LRRC47: variants seen among roughly 807,000 people sequenced by gnomAD.
The protein encoded by LRRC47 is leucine-rich repeat-containing protein 47.
In LRRC47, 31 loss-of-function variants were observed where a neutral mutation model predicts 40.9. That is an observed-to-expected ratio of 0.76 (90% CI 0.57 to 1.02). The LOEUF is 1.02. Among genes scored for constraint, LRRC47 ranks in the 50% least tolerant of loss-of-function variants. The probability of loss-of-function intolerance (pLI) is 0.00; values close to 1 mark genes in which losing one functional copy is unlikely to be tolerated. For synonymous variants in LRRC47, 427 were observed against 371.9 expected (o/e 1.15, Z -1.70); for missense variants, 726 against 796.1 (o/e 0.91, Z 1.06).
Position 3,786,975 on chromosome 1 carries a change from G to A in LRRC47, c.951C>T (p.Asn317=), listed in dbSNP as rs757299020. ...LLLRVLHVSE[N]PVPLTVRVSP... is the part of the protein sequence containing the mutation. The stretch of plus-strand genomic sequence containing the variant: ...TCACTCTGACTGTCAGAGGTACGGG[G>A]TTTTCAGAGACGTGCAGGACCCTGA... The change falls in exon 2 of 7, where the codon AAC becomes AAT. Residue 317 remains asparagine (N), a synonymous_variant. Transcript: ENST00000378251. 5 of 1,611,368 alleles carry A rather than the reference G, an allele frequency of 3.1e-6. No homozygotes were observed. The highest frequency in any genetic ancestry group is 2.7e-5 in the African/African-American group (2 of 74,886).
At chr1:3,790,600 G>A (rs945621909) in intron 1 of LRRC47, among the ~76,000 whole-genome samples, 1 of 152,232 alleles carries the variant, frequency 6.6e-6, no homozygotes, top group Non-Finnish European at 1.5e-5. Context: ...GAAGCAGCCA[G>A]GGAGGGCCGG....
chr1:3,793,626 A>T (rs1319567066), intron 1 of LRRC47, among the ~76,000 whole-genome samples: 1 of 152,186 alleles, frequency 6.6e-6, no homozygotes, highest in African/African-American at 2.4e-5. Flanking sequence ...TGACTCCTGC[A>T]GATAACAGCA....
At chr1:3,786,123 GC>G (rs539992586) in intron 2 of LRRC47, among the ~76,000 whole-genome samples, 16 of 152,074 alleles carry the variant, frequency 1.1e-4, no homozygotes, top group African/African-American at 3.6e-4. Context: ...ACCCACCTCG[GC>G]CTCCTGAAGT....
intron 1 of LRRC47, among the ~76,000 whole-genome samples, chr1:3,792,262 A>G (rs1337917119): frequency 6.6e-6 from 1 of 152,148 alleles, no homozygotes; most frequent in East Asian, 1.9e-4. Context: ...CTCTTGCATG[A>G]CCCTCCAAGA....
chr1:3,781,664 C>A (rs1252405712), intron 5 of LRRC47, 63 bp from the exon 6 acceptor site: 1 of 1,306,304 alleles, frequency 7.7e-7, no homozygotes, highest in African/African-American at 1.5e-5. Context: ...GCAACTGCAA[C>A]ATTTGTTCTC....
chr1:3,790,085 C>T (rs1443927581), intron 1 of LRRC47, among the ~76,000 whole-genome samples: 1 of 152,252 alleles, frequency 6.6e-6, no homozygotes, highest in African/African-American at 2.4e-5. Context: ...AAACACAACC[C>T]TCGCAGTGGC....
intron 5 of LRRC47, 134 bp downstream of exon 5, chr1:3,782,527 C>T: frequency 1.5e-6 from 1 of 654,546 alleles, no homozygotes; most frequent in Non-Finnish European, 2.8e-6. Context: ...CTCCTGACCT[C>T]AGGTGATCCG....
rs188951704 is a variant in LRRC47, at chr1:3,795,341, C to G, written c.615+521G>C. ...GGAGAAAAACCCAAGTTACCTGCTG[C>G]TTACTTTGGGCAGGCCCTTTGGCTT... On this transcript the variant is annotated intron_variant, in intron 1 of 6. Transcript: ENST00000378251. 3.3e-3 allele frequency among the ~76,000 whole-genome samples: 496 copies of G among 152,336 alleles called. 18 individuals are homozygous for G. Among genetic ancestry groups the G allele is most frequent in the Admixed American group, 0.031 (471 of 15,304 alleles).
intron 1 of LRRC47, among the ~76,000 whole-genome samples, chr1:3,793,083 C>T (rs1448621405): frequency 6.6e-6 from 1 of 151,996 alleles, no homozygotes; most frequent in Non-Finnish European, 1.5e-5. Flanking sequence ...GAGATCTGAT[C>T]TAACCAATCC....
chr1:3,781,058 C>T lies in LRRC47; in HGVS notation c.*30G>A, dbSNP rs1557639712. On this transcript the variant is annotated 3_prime_UTR_variant, in exon 7 of 7. Coordinates refer to ENST00000378251, the MANE Select transcript of LRRC47 (RefSeq NM_020710.3). ...CGCATAGAAACCTCCGCAAAACCGG[C>T]CAAACAAACGCGGACAGGCGGCCCT... 6.3e-7 allele frequency: 1 copy of T among 1,598,484 alleles called. No individual in the cohort carries two copies. Among genetic ancestry groups the T allele is most frequent in the East Asian group, 2.2e-5 (1 of 44,490 alleles).
rs945042970 is a variant in LRRC47 at position 3,794,998 on chromosome 1, G to A, written c.615+864C>T. ...GAACCCGGGAGGCGGAGGTTGAAGT[G>A]AGCCGAGATCGCGCCACTGCACTCC... On this transcript the variant is annotated intron_variant, in intron 1 of 6. Coordinates refer to ENST00000378251, the MANE Select transcript of LRRC47 (RefSeq NM_020710.3). Among the ~76,000 whole-genome samples the A allele has an allele frequency of 4.1e-5, 6 of 145,974 alleles. No individual in the cohort carries two copies. The South Asian group carries it at 1.3e-3, about 31-fold the overall frequency.
At chr1:3,791,333 C>G (rs1643624689) in intron 1 of LRRC47, among the ~76,000 whole-genome samples, 1 of 152,258 alleles carries the variant, frequency 6.6e-6, no homozygotes, top group Non-Finnish European at 1.5e-5. Flanking sequence ...TCTTCGTGTA[C>G]TGCGTTACCC....
At chr1:3,782,881 G>A in intron 4 of LRRC47, 118 bp from the exon 5 acceptor site, 2 of 699,872 alleles carry the variant, frequency 2.9e-6, no homozygotes, top group Non-Finnish European at 5.2e-6. Context: ...GGCTGCATGG[G>A]CCCAGGAGTT....
chr1:3,796,046 A>G lies in LRRC47; in HGVS notation c.431T>C (p.Leu144Pro). The G allele has an allele frequency of 6.5e-7, 1 of 1,541,756 alleles. No individual in the cohort carries two copies. The highest frequency in any genetic ancestry group is 8.7e-7 in the Non-Finnish European group (1 of 1,146,490). Residue 144 changes from leucine to proline, a missense_variant, in exon 1 of 7, where the codon CTG becomes CCG. Transcript: ENST00000378251. ...LNLSGNRLRE[L>P]PADLARCAPR... is the part of the protein sequence containing the mutation. ...GGCGCAGCGCGCCAGGTCGGCTGGC[A>G]GCTCGCGCAGCCGGTTGCCGCTGAG...
Position 3,778,815 on chromosome 1 carries a change from TGGGCC to T in LRRC47, c.*2268_*2272del, listed in dbSNP as rs1158334597. 1.3e-5 allele frequency: 2 copies of T among 152,218 alleles called. No homozygotes were observed. Among genetic ancestry groups the T allele is most frequent in the Non-Finnish European group, 2.9e-5 (2 of 68,052 alleles). The allele number at this position is 152,218 out of a possible 1,614,324, so 9.4% of individuals were successfully genotyped here. ...CTTCCTCCCTTCCTCCTTCCCGGGC[TGGGCC>T]GGGCCATGCAGAGAAAGGGCAGCCT... On this transcript the variant is annotated 3_prime_UTR_variant, in exon 7 of 7. Transcript: ENST00000378251.
chr1:3,782,804 AG>A (rs1400493699), intron 4 of LRRC47, 41 bp from the exon 5 acceptor site: 1 of 1,216,346 alleles, frequency 8.2e-7, no homozygotes, highest in Admixed American at 1.7e-5. Flanking sequence ...TAATTATAAA[AG>A]AAACACTGTG....
chr1:3,796,462 C>G lies in LRRC47; in HGVS notation c.15G>C (p.Ala5=), dbSNP rs1461820430. 1.3e-6 allele frequency: 2 copies of G among 1,509,866 alleles called. No individual in the cohort carries two copies. The highest frequency in any genetic ancestry group is 2.3e-4 in the Middle Eastern group (1 of 4,276). 93.5% of individuals were successfully genotyped at this position (1,509,866 alleles called of 1,614,324 possible). A position where few individuals can be genotyped will look rare whatever the true frequency, so the allele number is the denominator to read the frequency against. The change falls in exon 1 of 7, where the codon GCG becomes GCC. Residue 5 remains alanine, a synonymous_variant. Transcript: ENST00000378251. MAAA[A]VSESWPELEL... ...CCAGCTCCGGCCAAGACTCTGACACCGCTGCCGCCGCCATGGCGCCTCAGC... is the reference window on the plus strand; with the variant it reads ...CCAGCTCCGGCCAAGACTCTGACACGGCTGCCGCCGCCATGGCGCCTCAGC...
rs189627485 is a variant in LRRC47, at chr1:3,789,690, G to C, written c.616-2380C>G. On this transcript the variant is annotated intron_variant, in intron 1 of 6. Transcript: ENST00000378251. The stretch of plus-strand genomic sequence containing the variant: ...GGCTCTGTGGGGAGTCAGGGGACAG[G>C]AAGGGAAGCGGGGGAAGGAGAGCAA... Among the ~76,000 whole-genome samples the C allele has an allele frequency of 2.7e-3, 410 of 152,372 alleles. 2 individuals carry two copies. Among genetic ancestry groups the C allele is most frequent in the African/African-American group, 9.4e-3 (391 of 41,600 alleles).
At position 3,785,143 on chromosome 1, in the gene LRRC47, G is replaced by T; in HGVS notation, c.1138C>A (p.Leu380Ile). ...RTAATLATHE[L>I]RAVKGPLLYC... The stretch of plus-strand genomic sequence containing the variant: ...AGCAGGGGCCCTTTGACGGCACGGA[G>T]CTCGTGGGTGGCAAGGGTGGCAGCC... The change falls in exon 3 of 7, where the codon CTC becomes ATC. Residue 380 changes from leucine to isoleucine, a missense_variant. Coordinates refer to ENST00000378251, the MANE Select transcript of LRRC47 (RefSeq NM_020710.3). 6.2e-7 allele frequency: 1 copy of T among 1,600,618 alleles called. No homozygotes were observed. Among genetic ancestry groups the T allele is most frequent in the Non-Finnish European group, 8.5e-7 (1 of 1,174,160 alleles).
Sources: gnomAD v4.1 joint callset for allele counts (sites outside exome capture counted in the v4.1 genomes callset) on GRCh38, gnomAD v4.1.1 for gene constraint, MANE v1.5 for transcripts, NCBI Gene and HGNC (gene_info 2026-07-23, HGNC 2026-07-21) for gene names.